Variants in MAPK14 observed in about 807,000 individuals in gnomAD.
The protein encoded by MAPK14 is CSAID-binding protein.
Under a neutral mutation model 49.6 loss-of-function variants are expected in MAPK14, and 16 were observed. The observed-to-expected ratio is 0.32, with a 90% CI of 0.22 to 0.49. MAPK14 has a LOEUF of 0.49. Among genes scored for constraint, MAPK14 ranks in the 20% least tolerant of loss-of-function variants. The pLI is 0.99. For missense variants in MAPK14, 200 were observed against 441.2 expected, an observed-to-expected ratio of 0.45 and a Z score of 4.90; for synonymous variants, 142 against 158.0, an observed-to-expected ratio of 0.90 and a Z score of 0.76.
intron 8 of MAPK14, among the ~76,000 whole-genome samples, chr6:36,084,899 AG>A (rs1476212592): frequency 6.6e-6 from 1 of 151,576 alleles, no homozygotes; most frequent in Non-Finnish European, 1.5e-5. Flanking sequence ...GTTGAAATGA[AG>A]GAAAAAATAC....
intron 8 of MAPK14, among the ~76,000 whole-genome samples, chr6:36,093,026 A>G (rs527506171): frequency 6.6e-6 from 1 of 152,318 alleles, no homozygotes; most frequent in South Asian, 2.1e-4. Flanking sequence ...AAAAAATCCA[A>G]GAAGACTTCA....
At chr6:36,122,724 G>A in the MAPK14 span, among the ~76,000 whole-genome samples, 31 of 152,258 alleles carry the variant, frequency 2.0e-4, no homozygotes, top group African/African-American at 7.0e-4. Context: ...AGGACCAGAG[G>A]GAGCACCATG....
intron 3 of MAPK14, among the ~76,000 whole-genome samples, chr6:36,070,191 C>G (rs1009183236): frequency 4.6e-5 from 7 of 152,076 alleles, no homozygotes; most frequent in Admixed American, 6.5e-5. Flanking sequence ...ATATTGCTTC[C>G]CTAGTTATTG....
chr6:36,049,184 A>G (rs1033327489), intron 1 of MAPK14, among the ~76,000 whole-genome samples: 1 of 152,208 alleles, frequency 6.6e-6, no homozygotes, highest in African/African-American at 2.4e-5. Flanking sequence ...TGGATTGAGG[A>G]AAGAATGGGA....
intron 1 of MAPK14, among the ~76,000 whole-genome samples, chr6:36,038,464 T>C (rs1414694889): frequency 6.6e-6 from 1 of 152,168 alleles, no homozygotes; most frequent in Non-Finnish European, 1.5e-5. Context: ...GACTTTTCCT[T>C]TAAGTGAGAG....
chr6:36,120,167 C>T, the MAPK14 span, among the ~76,000 whole-genome samples: 1 of 152,160 alleles, frequency 6.6e-6, no homozygotes, highest in African/African-American at 2.4e-5. Context: ...ATAATAGTGC[C>T]TTCTTCACAG....
intron 1 of MAPK14, among the ~76,000 whole-genome samples, chr6:36,038,390 G>T (rs1052454796): frequency 6.6e-6 from 1 of 152,182 alleles, no homozygotes; most frequent in Non-Finnish European, 1.5e-5. Flanking sequence ...GAAAAGTGGG[G>T]TGAGGAGAGG....
chr6:36,067,920 C>T (rs1463849675), intron 3 of MAPK14, among the ~76,000 whole-genome samples: 1 of 152,072 alleles, frequency 6.6e-6, no homozygotes, highest in South Asian at 2.1e-4. Flanking sequence ...TAACCCTGTC[C>T]TCCACGAACA....
At chr6:36,080,455 A>G (rs980498893) in intron 8 of MAPK14, among the ~76,000 whole-genome samples, 7 of 152,144 alleles carry the variant, frequency 4.6e-5, no homozygotes, top group South Asian at 4.1e-4. Context: ...GAATCATATT[A>G]TACTGTATTT....
chr6:36,029,464 G>A (rs1471614972), intron 1 of MAPK14, among the ~76,000 whole-genome samples: 1 of 152,196 alleles, frequency 6.6e-6, no homozygotes, highest in Non-Finnish European at 1.5e-5. Flanking sequence ...TAATTTGAAA[G>A]CTACGGATCT....
At chr6:36,092,601 A>G in intron 8 of MAPK14, 1 of 438,736 alleles carries the variant, frequency 2.3e-6, no homozygotes, top group South Asian at 1.8e-5. Context: ...CTCTGAAATA[A>G]TATAGTGTTT....
chr6:36,036,669 C>G (rs565342745), intron 1 of MAPK14, among the ~76,000 whole-genome samples: 1 of 152,182 alleles, frequency 6.6e-6, no homozygotes, highest in East Asian at 1.9e-4. Context: ...CAAGACCCTC[C>G]ACCAGCAAGA....
chr6:36,035,233 G>A (rs1379580827), intron 1 of MAPK14, among the ~76,000 whole-genome samples: 3 of 152,134 alleles, frequency 2.0e-5, no homozygotes, highest in Non-Finnish European at 2.9e-5. Flanking sequence ...CACTGTGCCC[G>A]GCAGTTCTCG....
chr6:36,042,172 C>A (rs2127404097), intron 1 of MAPK14, among the ~76,000 whole-genome samples: 1 of 152,264 alleles, frequency 6.6e-6, no homozygotes, highest in South Asian at 2.1e-4. Flanking sequence ...TTTAAACATA[C>A]CTCTGGAAAT....
At chr6:36,058,897 T>G (rs78366357) in intron 2 of MAPK14, among the ~76,000 whole-genome samples, 1 of 151,354 alleles carries the variant, frequency 6.6e-6, no homozygotes, top group East Asian at 1.9e-4. Flanking sequence ...TTTTTTTTTT[T>G]TGAGACAGAG....
intron 10 of MAPK14, among the ~76,000 whole-genome samples, chr6:36,104,395 CT>C (rs983542839): frequency 1.3e-5 from 2 of 148,846 alleles, no homozygotes; most frequent in Non-Finnish European, 3.0e-5. Context: ...TCTTTCTTTC[CT>C]TTTTTTTTTG....
At chr6:36,099,796 C>T (rs1485119126) in intron 9 of MAPK14, among the ~76,000 whole-genome samples, 1 of 152,094 alleles carries the variant, frequency 6.6e-6, no homozygotes, top group African/African-American at 2.4e-5. Context: ...TTATTTTGTT[C>T]AAAGTTGAGT....
chr6:36,048,708 T>G (rs1216060647), intron 1 of MAPK14, among the ~76,000 whole-genome samples: 1 of 152,148 alleles, frequency 6.6e-6, no homozygotes, highest in Admixed American at 6.5e-5. Flanking sequence ...GGATGAACAG[T>G]CCATTTATTG....
chr6:36,113,118 C>T (rs1399096581), downstream of MAPK14, among the ~76,000 whole-genome samples: 1 of 151,824 alleles, frequency 6.6e-6, no homozygotes, highest in Non-Finnish European at 1.5e-5. Flanking sequence ...ATGTACATGC[C>T]CTTTGAACTT....
Sources: gnomAD v4.1 joint callset for allele counts (sites outside exome capture counted in the v4.1 genomes callset) on GRCh38, gnomAD v4.1.1 for gene constraint, MANE v1.5 for transcripts, NCBI Gene and HGNC (gene_info 2026-07-23, HGNC 2026-07-21) for gene names.